CLRN2: variants seen among roughly 807,000 people sequenced by gnomAD.
CLRN2 encodes clarin-2.
CLRN2 carries 17 observed loss-of-function variants against 20.1 expected under a neutral mutation model. The ratio of observed to expected loss-of-function variants is 0.85; its 90% CI spans 0.58 to 1.27. The LOEUF is 1.27. Ranked by LOEUF, CLRN2 falls within the 50% of genes most tolerant of loss-of-function variation. The pLI, the probability that CLRN2 is intolerant of heterozygous loss-of-function variation, is 0.00. For missense variants in CLRN2, 288 were observed against 299.5 expected (o/e 0.96, Z 0.28); for synonymous variants, 140 against 126.9 (o/e 1.10, Z -0.70).
intron 1 of CLRN2, among the ~76,000 whole-genome samples, chr4:17,519,947 A>G (rs1711795473): frequency 6.6e-6 from 1 of 152,208 alleles, no homozygotes; most frequent in Admixed American, 6.5e-5. Flanking sequence ...AGCCTCAAGC[A>G]ATCCCCCCAT....
intron 2 of CLRN2, among the ~76,000 whole-genome samples, chr4:17,523,434 C>G (rs1444996605): frequency 6.6e-6 from 1 of 151,992 alleles, no homozygotes; most frequent in East Asian, 1.9e-4. Context: ...AGGCTAGTCT[C>G]AAACTCCTAA....
intron 2 of CLRN2, among the ~76,000 whole-genome samples, chr4:17,523,273 G>C (rs1010680311): frequency 3.3e-5 from 5 of 150,852 alleles, no homozygotes; most frequent in Non-Finnish European, 7.4e-5. Context: ...GAAGTGCAGT[G>C]GTGCGATCTC....
At chr4:17,520,456 G>A (rs550237957) in intron 1 of CLRN2, among the ~76,000 whole-genome samples, 1 of 152,278 alleles carries the variant, frequency 6.6e-6, no homozygotes, top group South Asian at 2.1e-4. Flanking sequence ...TTGAGCACAT[G>A]TGGGAGTGCT....
At position 17,526,979 on chromosome 4, in the gene CLRN2, A is replaced by G. The variant is rs201124485; in HGVS notation, c.596A>G (p.His199Arg). The G allele has an allele frequency of 4.3e-6, 7 of 1,613,696 alleles. No individual in the cohort carries two copies. Among genetic ancestry groups the G allele is most frequent in the African/African-American group, 1.3e-5 (1 of 74,898 alleles). Reference protein sequence around the residue: ...FWICVASASAHAANLVVVAIS... With the variant: ...FWICVASASARAANLVVVAIS... ...ATCTGCGTGGCCAGCGCTTCGGCCC[A>G]TGCTGCAAACTTGGTCGTGGTGGCG... The change falls in exon 3 of 3, where the codon CAT (histidine) becomes CGT (arginine). Residue 199 changes from histidine (H) to arginine (R), a missense_variant. Physicochemically the swap from His to Arg is conservative, Grantham distance 29 (BLOSUM62 0). Transcript: ENST00000511148.
At chr4:17,518,659 GCTGAGGCAGGAGAAT>G (rs1193253334) in intron 1 of CLRN2, among the ~76,000 whole-genome samples, 1 of 152,212 alleles carries the variant, frequency 6.6e-6, no homozygotes, top group East Asian at 1.9e-4. Flanking sequence ...TACTCAGGAG[GCTGAGGCAGGAGAAT>G]CACTTGAACT....
chr4:17,526,834 G>GCCATCGCCGGCGTCGTGGCGTTAA lies in CLRN2; in HGVS notation c.459_460insGGCGTCGTGGCGTTAACCATCGCC (p.Ala153_Ser154insGlyValValAlaLeuThrIleAla), dbSNP rs770384710. 15 of 1,614,054 alleles carry GCCATCGCCGGCGTCGTGGCGTTAA rather than the reference G, an allele frequency of 9.3e-6. No homozygotes were observed. Among genetic ancestry groups the GCCATCGCCGGCGTCGTGGCGTTAA allele is most frequent in the Non-Finnish European group, 1.3e-5 (15 of 1,179,896 alleles). ...AGTTTCAGGCGGCGTCGTGGCGTTA[G>GCCATCGCCGGCGTCGTGGCGTTAA]CCATCGCCAGCTTCGTGGCTGCGGT... On this transcript the variant is annotated inframe_insertion, in exon 3 of 3. Transcript: ENST00000511148.
Position 17,524,235 on chromosome 4 carries a change from T to C in CLRN2, c.433+1192T>C, listed in dbSNP as rs867399522. ...GTGTGTGTGTGTGTGTGTGTGTGTG[T>C]GCGCGCGCATGTTGATTTGGGAGTA... is the stretch of plus-strand genomic sequence containing the variant. On this transcript the variant is annotated intron_variant, in intron 2 of 2. Transcript: ENST00000511148. 9.9e-3 allele frequency among the ~76,000 whole-genome samples: 1,382 copies of C among 140,054 alleles called. 19 individuals carry two copies. The highest frequency in any genetic ancestry group is 0.032 in the African/African-American group (1,205 of 37,138). 91.9% of individuals were successfully genotyped at this position (140,054 alleles called of 152,430 possible). A position where few individuals can be genotyped will look rare whatever the true frequency, so the allele number is the denominator to read the frequency against.
At position 17,526,995 on chromosome 4, in the gene CLRN2, C is replaced by T. The variant is rs563515442; in HGVS notation, c.612C>T (p.Val204=). The change falls in exon 3 of 3, where the codon GTC becomes GTT. Residue 204 remains valine, a synonymous_variant. Coordinates refer to ENST00000511148, the MANE Select transcript of CLRN2 (RefSeq NM_001079827.2). ...ASASAHAANL[V]VVAISQIPLP... Reference sequence around the variant, plus strand: ...CTTCGGCCCATGCTGCAAACTTGGTCGTGGTGGCGATCAGTCAAATTCCCC... The same window carrying T: ...CTTCGGCCCATGCTGCAAACTTGGTTGTGGTGGCGATCAGTCAAATTCCCC... 3.7e-5 allele frequency: 59 copies of T among 1,613,944 alleles called. 1 individual carries two copies. The South Asian group carries it at 5.4e-4, about 15-fold the overall frequency.
rs779689947 is a variant in CLRN2, at chr4:17,527,009, G to C, written c.626G>C (p.Ser209Thr). 2.9e-5 allele frequency: 46 copies of C among 1,613,896 alleles called. No homozygotes were observed. In the Admixed American group the frequency reaches 4.0e-4, roughly 14 times the overall value. The change falls in exon 3 of 3, where the codon AGT becomes ACT. Residue 209 changes from serine (S) to threonine (T), a missense_variant. Ser to Thr is a moderately conservative substitution (Grantham distance 58). Coordinates refer to ENST00000511148, the MANE Select transcript of CLRN2 (RefSeq NM_001079827.2). ...HAANLVVVAISQIPLPEIKTK... is the reference protein window; with the variant it reads ...HAANLVVVAITQIPLPEIKTK... The stretch of plus-strand genomic sequence containing the variant: ...GCAAACTTGGTCGTGGTGGCGATCA[G>C]TCAAATTCCCCTCCCTGAGATTAAG...
intron 2 of CLRN2, 38 bp downstream of exon 2, chr4:17,523,081 C>A (rs765579105): frequency 6.4e-7 from 1 of 1,552,628 alleles, no homozygotes; most frequent in South Asian, 1.2e-5. Flanking sequence ...TATGTCCACA[C>A]CATCATAGGG....
intron 1 of CLRN2, among the ~76,000 whole-genome samples, chr4:17,516,225 G>A (rs182201205): frequency 1.3e-3 from 205 of 152,314 alleles, no homozygotes; most frequent in African/African-American, 4.8e-3. Flanking sequence ...AGCGGGCACC[G>A]ACTTTGGCTG....
chr4:17,525,531 T>C (rs1338695089), intron 2 of CLRN2, among the ~76,000 whole-genome samples: 1 of 152,030 alleles, frequency 6.6e-6, no homozygotes, highest in African/African-American at 2.4e-5. Context: ...GCACCCATGA[T>C]CCCAGCTACT....
intron 1 of CLRN2, among the ~76,000 whole-genome samples, chr4:17,521,085 GA>G (rs1711827670): frequency 6.6e-6 from 1 of 151,664 alleles, no homozygotes; most frequent in Admixed American, 6.6e-5. Flanking sequence ...CTGAGAGTTT[GA>G]AAAGAGAAAA....
intron 2 of CLRN2, among the ~76,000 whole-genome samples, chr4:17,525,910 C>T (rs1414898340): frequency 6.6e-6 from 1 of 151,684 alleles, no homozygotes; most frequent in Non-Finnish European, 1.5e-5. Flanking sequence ...ATATACTAAT[C>T]TTTTAAGAAG....
chr4:17,522,756 C>T, intron 1 of CLRN2, 108 bp from the exon 2 acceptor site: 1 of 1,169,440 alleles, frequency 8.6e-7, no homozygotes. Context: ...CGCTTGCTGT[C>T]TTGCCCTCAC....
intron 1 of CLRN2, among the ~76,000 whole-genome samples, chr4:17,520,237 C>T (rs919849936): frequency 6.6e-5 from 10 of 152,102 alleles, no homozygotes; most frequent in African/African-American, 2.4e-4. Flanking sequence ...TCCCTCTCCC[C>T]CGTCATCCTA....
At chr4:17,518,771 A>G (rs1197500279) in intron 1 of CLRN2, among the ~76,000 whole-genome samples, 1 of 151,662 alleles carries the variant, frequency 6.6e-6, no homozygotes, top group Non-Finnish European at 1.5e-5. Flanking sequence ...AAAAAAAAAA[A>G]AGAGAAAGGA....
chr4:17,520,054 A>G (rs896682490), intron 1 of CLRN2, among the ~76,000 whole-genome samples: 3 of 152,136 alleles, frequency 2.0e-5, no homozygotes, highest in African/African-American at 4.8e-5. Flanking sequence ...TAAAATCTCT[A>G]TTAAACATGA....
chr4:17,522,965 G>C lies in CLRN2; in HGVS notation c.355G>C (p.Ala119Pro), dbSNP rs906696165. The C allele has an allele frequency of 6.2e-7, 1 of 1,613,872 alleles. No homozygotes were observed. Among genetic ancestry groups the C allele is most frequent in the Non-Finnish European group, 8.5e-7 (1 of 1,179,904 alleles). ...CCTGGCTCTGGTCAGCATGGGCTTT[G>C]CCATTCTTAACATGATCCAGGTCCC... ...LALALVSMGF[A>P]ILNMIQVPYR... Residue 119 changes from alanine (A) to proline (P), a missense_variant, in exon 2 of 3, where the codon GCC (alanine) becomes CCC (proline). Coordinates refer to ENST00000511148, the MANE Select transcript of CLRN2 (RefSeq NM_001079827.2).
Sources: allele counts gnomAD v4.1 joint callset (sites outside exome capture counted in the v4.1 genomes callset), GRCh38; gene constraint gnomAD v4.1.1; transcripts MANE v1.5; gene names NCBI Gene and HGNC (gene_info 2026-07-23, HGNC 2026-07-21).